Variants in CDK14 observed in about 807,000 individuals in gnomAD.
CDK14 encodes cyclin-dependent kinase 14.
CDK14 carries 34 observed loss-of-function variants against 60.7 expected under a neutral mutation model. The observed-to-expected ratio is 0.56, with a 90% CI of 0.43 to 0.75. The LOEUF is 0.75. Ranked by LOEUF, CDK14 falls within the 30% of genes least tolerant of loss-of-function variation. The pLI, the probability that CDK14 is intolerant of heterozygous loss-of-function variation, is 0.00. For synonymous variants in CDK14, 197 were observed against 203.7 expected (o/e 0.97, Z 0.28); for missense variants, 482 against 564.1 (o/e 0.85, Z 1.47).
chr7:90,914,198 A>C (rs1162344325), intron 7 of CDK14, among the ~76,000 whole-genome samples: 1 of 151,872 alleles, frequency 6.6e-6, no homozygotes, highest in African/African-American at 2.4e-5. Flanking sequence ...TGAATGCTCA[A>C]CTCGTTCCTT....
chr7:90,773,874 CTCCTCTCCTCTCCTCTCCTCT>C (rs1804893864), intron 4 of CDK14, among the ~76,000 whole-genome samples: 1 of 115,078 alleles, frequency 8.7e-6, no homozygotes, highest in Non-Finnish European at 1.8e-5. Context: ...CTCCTCTCCT[CTCCTCTCCTCTCCTCTCCTCT>C]TTTCTTTCTT....
intron 10 of CDK14, among the ~76,000 whole-genome samples, chr7:91,012,010 G>C (rs928724974): frequency 6.6e-6 from 1 of 151,960 alleles, no homozygotes; most frequent in Non-Finnish European, 1.5e-5. Flanking sequence ...CATATATCGT[G>C]AATTTTTTCT....
intron 14 of CDK14, among the ~76,000 whole-genome samples, chr7:91,126,241 G>A (rs1368276792): frequency 6.6e-6 from 1 of 152,032 alleles, no homozygotes; most frequent in Non-Finnish European, 1.5e-5. Context: ...GAAAAATCTG[G>A]AAGGAAAAAA....
rs543541175 is a variant in CDK14 at position 90,639,705 on chromosome 7, G to T, written c.123+35456G>T. On this transcript the variant is annotated intron_variant, in intron 2 of 14. Coordinates refer to ENST00000380050, the MANE Select transcript of CDK14 (RefSeq NM_001287135.2). ...GTTACTGCTGTCTTTTTGTTTGTCT[G>T]TGCCCTGCCCCCAGAGGTGGAGCCT... Among the ~76,000 whole-genome samples the T allele has an allele frequency of 2.0e-5, 3 of 147,250 alleles. No individual in the cohort carries two copies. In the South Asian group the frequency reaches 6.7e-4, roughly 33 times the overall value.
intron 12 of CDK14, among the ~76,000 whole-genome samples, chr7:91,098,734 A>T (rs886736321): frequency 1.3e-5 from 2 of 152,104 alleles, no homozygotes; most frequent in African/African-American, 4.8e-5. Flanking sequence ...TCTTCTTTTT[A>T]TCATGGCCCA....
chr7:91,015,772 C>G (rs1404065398), intron 10 of CDK14, among the ~76,000 whole-genome samples: 1 of 150,132 alleles, frequency 6.7e-6, no homozygotes, highest in Non-Finnish European at 1.5e-5. Context: ...GGGTATGAAT[C>G]AGTTCTGTGT....
At chr7:90,638,897 G>A (rs9640593) in intron 2 of CDK14, among the ~76,000 whole-genome samples, 89,160 of 150,020 alleles carry the variant, frequency 0.59, 26,896 homozygotes, top group East Asian at 0.7. Flanking sequence ...TCCATCACTG[G>A]TACCCTTTCT....
chr7:90,644,445 G>A (rs567904439), intron 2 of CDK14, among the ~76,000 whole-genome samples: 1 of 152,286 alleles, frequency 6.6e-6, no homozygotes, highest in East Asian at 1.9e-4. Context: ...TCAGTGCCGG[G>A]AAGGTGAATC....
chr7:90,799,200 C>T (rs910453238), intron 5 of CDK14, among the ~76,000 whole-genome samples: 1 of 152,060 alleles, frequency 6.6e-6, no homozygotes, highest in African/African-American at 2.4e-5. Flanking sequence ...TAATAGGGAA[C>T]AAATTTAAAT....
intron 2 of CDK14, among the ~76,000 whole-genome samples, chr7:90,624,156 C>T (rs955798229): frequency 1.3e-5 from 2 of 152,064 alleles, no homozygotes; most frequent in South Asian, 2.1e-4. Flanking sequence ...TTCCCCAGGC[C>T]ACAGTCTTCT....
chr7:91,065,632 T>C (rs1797952187), intron 11 of CDK14, among the ~76,000 whole-genome samples: 1 of 152,198 alleles, frequency 6.6e-6, no homozygotes, highest in Non-Finnish European at 1.5e-5. Context: ...CTAACAGATA[T>C]AAGAAAGTAA....
At chr7:90,747,468 T>G (rs1198046765) in intron 3 of CDK14, among the ~76,000 whole-genome samples, 1 of 152,250 alleles carries the variant, frequency 6.6e-6, no homozygotes, top group Non-Finnish European at 1.5e-5. Flanking sequence ...GGTTAGCTTA[T>G]GGGAATAATT....
intron 14 of CDK14, among the ~76,000 whole-genome samples, chr7:91,204,812 T>C (rs1165745731): frequency 6.6e-6 from 1 of 151,934 alleles, no homozygotes; most frequent in Non-Finnish European, 1.5e-5. Context: ...CCAGGCATGG[T>C]GATGTGTGCC....
intron 3 of CDK14, among the ~76,000 whole-genome samples, chr7:90,743,436 C>T (rs114462036): frequency 6.6e-6 from 1 of 152,016 alleles, no homozygotes; most frequent in African/African-American, 2.4e-5. Context: ...ATCTTTGTGA[C>T]CTAATCTATG....
At chr7:90,782,562 G>A (rs890971597) in intron 4 of CDK14, among the ~76,000 whole-genome samples, 1 of 151,976 alleles carries the variant, frequency 6.6e-6, no homozygotes, top group South Asian at 2.1e-4. Flanking sequence ...AGTCGTTTTT[G>A]TACTTAGATG....
intron 8 of CDK14, among the ~76,000 whole-genome samples, chr7:90,946,374 A>C (rs1438275249): frequency 1.3e-5 from 2 of 152,222 alleles, no homozygotes; most frequent in Non-Finnish European, 2.9e-5. Context: ...TAGCTTTAAA[A>C]TTATCAAAAT....
intron 11 of CDK14, among the ~76,000 whole-genome samples, chr7:91,061,491 T>G (rs1797784438): frequency 1.3e-5 from 2 of 152,226 alleles, no homozygotes; most frequent in East Asian, 3.8e-4. Flanking sequence ...TTTTAAAATT[T>G]TCAGTTTTTC....
chr7:90,968,934 G>A (rs1039805852), intron 9 of CDK14, among the ~76,000 whole-genome samples: 1 of 152,104 alleles, frequency 6.6e-6, no homozygotes, highest in African/African-American at 2.4e-5. Flanking sequence ...ATTACAGAAT[G>A]TCGAGAGGTG....
At chr7:90,643,712 A>T (rs907859729) in intron 2 of CDK14, among the ~76,000 whole-genome samples, 1 of 152,172 alleles carries the variant, frequency 6.6e-6, no homozygotes, top group African/African-American at 2.4e-5. Context: ...CTCTTTATTT[A>T]CTGTCTTCTC....
Sources: allele counts gnomAD v4.1 joint callset (sites outside exome capture counted in the v4.1 genomes callset), GRCh38; gene constraint gnomAD v4.1.1; transcripts MANE v1.5; gene names NCBI Gene and HGNC (gene_info 2026-07-23, HGNC 2026-07-21).